Variants in MYO1H observed in about 807,000 individuals in gnomAD.
MYO1H encodes the protein unconventional myosin-Ih.
Under a neutral mutation model 149.3 loss-of-function variants are expected in MYO1H, and 118 were observed. The observed-to-expected ratio is 0.79, with a 90% CI of 0.68 to 0.92. The LOEUF (loss-of-function observed/expected upper bound fraction) is 0.92. Among genes scored for constraint, MYO1H ranks in the 40% least tolerant of loss-of-function variants. The pLI is 0.00. For synonymous variants in MYO1H, 447 were observed against 465.2 expected (o/e 0.96, Z 0.50); for missense variants, 1,212 against 1,280.7 (o/e 0.95, Z 0.82).
intron 19 of MYO1H, among the ~76,000 whole-genome samples, chr12:109,427,911 T>A (rs11066554): frequency 0.015 from 529 of 34,822 alleles, 10 homozygotes; most frequent in Non-Finnish European, 0.018. Flanking sequence ...AAAAAAAAAA[T>A]ATATATATAT....
rs997565611 is a variant in MYO1H at position 109,382,493 on chromosome 12, A to G, written c.13-6190A>G. Among the ~76,000 whole-genome samples the G allele has an allele frequency of 5.9e-5, 9 of 152,196 alleles. No individual in the cohort carries two copies. The East Asian group carries it at 1.7e-3, about 29-fold the overall frequency. ...TTTGGATCCTGATTTGAGCAAACCA[A>G]TTGTAAAATATAGATATAATTAGAG... On this transcript the variant is annotated intron_variant, in intron 1 of 31. Coordinates refer to ENST00000310903, the Ensembl canonical transcript of MYO1H.
At chr12:109,390,099 G>A (rs1869578754) in intron 2 of MYO1H, among the ~76,000 whole-genome samples, 1 of 152,108 alleles carries the variant, frequency 6.6e-6, no homozygotes, top group Admixed American at 6.5e-5. Flanking sequence ...CTTCCACCCT[G>A]AATTTCTACT....
intron 9 of MYO1H, 108 bp downstream of exon 9, chr12:109,406,968 T>C: frequency 1.1e-6 from 1 of 949,794 alleles, no homozygotes. Flanking sequence ...TGATCCTAGC[T>C]CACCAGGCCC....
intron 17 of MYO1H, 78 bp downstream of exon 17, chr12:109,424,906 G>A: frequency 9.3e-7 from 1 of 1,073,326 alleles, no homozygotes; most frequent in Middle Eastern, 2.0e-4. Context: ...CGCTTTTTAA[G>A]CCACCTTCCC....
intron 16 of MYO1H, among the ~76,000 whole-genome samples, chr12:109,423,900 T>C (rs1156805024): frequency 6.6e-6 from 1 of 152,194 alleles, no homozygotes; most frequent in Non-Finnish European, 1.5e-5. Flanking sequence ...CTTTTGGTGA[T>C]ATAGATTATT....
At chr12:109,447,212 C>T in exon 32 of MYO1H, 5 of 1,582,596 alleles carry the variant, frequency 3.2e-6, no homozygotes, top group Non-Finnish European at 4.3e-6. Flanking sequence ...TCTACCATCG[C>T]CATTTTTGCT....
intron 6 of MYO1H, among the ~76,000 whole-genome samples, chr12:109,403,096 T>G (rs1870233498): frequency 6.6e-6 from 1 of 152,184 alleles, no homozygotes; most frequent in Admixed American, 6.6e-5. Context: ...CAACAGGTTT[T>G]GGAGAGGGAC....
chr12:109,444,177 C>G (rs375908468), intron 28 of MYO1H, 36 bp from the exon 29 acceptor site: 10 of 1,524,856 alleles, frequency 6.6e-6, no homozygotes, highest in Non-Finnish European at 9.1e-6. Context: ...GTCAAGCTCT[C>G]TAGTTCTTGG....
intron 1 of MYO1H, among the ~76,000 whole-genome samples, chr12:109,365,333 AG>A (rs966216901): frequency 2.0e-4 from 30 of 152,354 alleles, no homozygotes; most frequent in African/African-American, 7.0e-4. Flanking sequence ...CTGAACTAAC[AG>A]TAACATAGCT....
At chr12:109,360,778 C>T (rs1443141128) in intron 1 of MYO1H, among the ~76,000 whole-genome samples, 1 of 152,160 alleles carries the variant, frequency 6.6e-6, no homozygotes, top group Non-Finnish European at 1.5e-5. Context: ...AGAAATAGGT[C>T]TTGTTTACAA....
At chr12:109,446,150 A>G in intron 31 of MYO1H, 1 of 985,502 alleles carries the variant, frequency 1.0e-6, no homozygotes, top group Non-Finnish European at 1.2e-6. Context: ...TACCTTTGGT[A>G]TAAAATGGAT....
chr12:109,327,670 C>G, the MYO1H span, among the ~76,000 whole-genome samples: 5 of 138,518 alleles, frequency 3.6e-5, no homozygotes, highest in African/African-American at 5.5e-5. Flanking sequence ...CACTTGAACC[C>G]AGGAGGCAGA....
intron 15 of MYO1H, among the ~76,000 whole-genome samples, chr12:109,419,886 A>C (rs1871099948): frequency 6.6e-6 from 1 of 152,118 alleles, no homozygotes; most frequent in Non-Finnish European, 1.5e-5. Context: ...AAAAAAAAAA[A>C]AAAATCTGGT....
intron 1 of MYO1H, chr12:109,359,570 G>A (rs1276065646): frequency 6.6e-6 from 1 of 152,082 alleles, no homozygotes; most frequent in Non-Finnish European, 1.5e-5. Flanking sequence ...CTTATAAATG[G>A]GCCATCTCTT....
At chr12:109,386,214 CCTT>C (rs1330278833) in intron 1 of MYO1H, among the ~76,000 whole-genome samples, 2 of 152,196 alleles carry the variant, frequency 1.3e-5, no homozygotes, top group South Asian at 2.1e-4. Context: ...TTGCTGTCCT[CCTT>C]CTATTGTACA....
At chr12:109,391,269 C>G (rs535553461) in intron 2 of MYO1H, among the ~76,000 whole-genome samples, 4 of 152,240 alleles carry the variant, frequency 2.6e-5, no homozygotes, top group African/African-American at 9.6e-5. Context: ...TCCCCCCTCT[C>G]CCACAAATGT....
At chr12:109,425,236 G>A (rs1300094268) in intron 17 of MYO1H, among the ~76,000 whole-genome samples, 1 of 152,210 alleles carries the variant, frequency 6.6e-6, no homozygotes, top group Non-Finnish European at 1.5e-5. Context: ...TTCGGAGGCT[G>A]AGGCAGGAGG....
chr12:109,414,037 A>G (rs540853553), intron 14 of MYO1H, among the ~76,000 whole-genome samples: 1 of 152,320 alleles, frequency 6.6e-6, no homozygotes, highest in East Asian at 1.9e-4. Flanking sequence ...GGGGGTTCTC[A>G]GGGACTGGTA....
chr12:109,412,980 G>GTTGTTA (rs1555253016), intron 14 of MYO1H, among the ~76,000 whole-genome samples: 9 of 144,472 alleles, frequency 6.2e-5, no homozygotes, highest in African/African-American at 8.6e-5. Flanking sequence ...TGTTGTTGTT[G>GTTGTTA]TTATTATTAT....
Sources: allele counts gnomAD v4.1 joint callset (sites outside exome capture counted in the v4.1 genomes callset), GRCh38; gene constraint gnomAD v4.1.1; transcripts MANE v1.5; gene names NCBI Gene and HGNC (gene_info 2026-07-23, HGNC 2026-07-21).